FAT3: variants seen among roughly 807,000 people sequenced by gnomAD.
FAT3 encodes protocadherin Fat 3.
Under a neutral mutation model 310.2 loss-of-function variants are expected in FAT3, and 95 were observed. The ratio of observed to expected loss-of-function variants is 0.31; its 90% CI spans 0.26 to 0.36. FAT3 has a LOEUF of 0.36. FAT3 is among the 10% of genes least tolerant of loss of function. The probability of loss-of-function intolerance (pLI) is 1.00; values close to 1 mark genes in which losing one functional copy is unlikely to be tolerated. For synonymous variants in FAT3, 2,314 were observed against 2,192.9 expected, an observed-to-expected ratio of 1.06 and a Z score of -1.54; for missense variants, 5,408 against 5,715.6, an observed-to-expected ratio of 0.95 and a Z score of 1.74.
intron 3 of FAT3, among the ~76,000 whole-genome samples, chr11:92,559,742 T>C (rs1955157345): frequency 6.6e-6 from 1 of 152,216 alleles, no homozygotes. Flanking sequence ...CTTTTGTGAC[T>C]GGTTTCTTTC....
At chr11:92,544,058 A>C (rs964928148) in intron 3 of FAT3, among the ~76,000 whole-genome samples, 1 of 152,184 alleles carries the variant, frequency 6.6e-6, no homozygotes, top group Non-Finnish European at 1.5e-5. Context: ...CAATACTTCT[A>C]CGTACTAGGG....
intron 1 of FAT3, among the ~76,000 whole-genome samples, chr11:92,319,215 A>G (rs547369653): frequency 8.1e-4 from 124 of 152,304 alleles, no homozygotes; most frequent in Admixed American, 1.4e-3. Context: ...AAAATATCAT[A>G]AAAGTCTTCC....
intron 1 of FAT3, among the ~76,000 whole-genome samples, chr11:92,305,207 G>C (rs1947089930): frequency 1.3e-5 from 2 of 152,078 alleles, no homozygotes; most frequent in African/African-American, 4.8e-5. Context: ...TCAAAAAATA[G>C]GTGGCACTGA....
chr11:92,448,681 C>G (rs559578683), intron 2 of FAT3, among the ~76,000 whole-genome samples: 85 of 152,228 alleles, frequency 5.6e-4, no homozygotes, highest in African/African-American at 2.0e-3. Context: ...GGTCTGGACT[C>G]CCCCACAGCC....
intron 21 of FAT3, among the ~76,000 whole-genome samples, chr11:92,863,125 G>GT (rs1012121704): frequency 6.6e-6 from 1 of 151,810 alleles, no homozygotes; most frequent in African/African-American, 2.4e-5. Context: ...GGGTTTTTTT[G>GT]TTTTTTGAGA....
chr11:92,363,438 CT>C (rs1948929768), intron 2 of FAT3, among the ~76,000 whole-genome samples: 1 of 152,116 alleles, frequency 6.6e-6, no homozygotes, highest in African/African-American at 2.4e-5. Context: ...TATAAACTTC[CT>C]TTGTCTCATA....
chr11:92,840,697 A>T lies in FAT3; in HGVS notation c.10504A>T (p.Ile3502Phe). The T allele has an allele frequency of 6.2e-7, 1 of 1,610,462 alleles. No individual in the cohort carries two copies. Among genetic ancestry groups the T allele is most frequent in the Non-Finnish European group, 8.5e-7 (1 of 1,177,032 alleles). ...GGAGTTTGTGTTGGACCCTCATGGG[A>T]TCTTGCGGTCGGCTGTGGTCTTCCA... ...EEEFVLDPHG[I>F]LRSAVVFQHT... Residue 3502 changes from isoleucine to phenylalanine, a missense_variant, in exon 18 of 28, where the codon ATC becomes TTC. By Grantham distance (21) the Ile-to-Phe change is conservative. This residue lies in a region of FAT3 where 4,588 missense variants were observed against 4,809.8 expected (regional missense o/e 0.95). Coordinates refer to ENST00000525166, the MANE Select transcript of FAT3 (RefSeq NM_001367949.2).
chr11:92,882,585 T>TCCCCCCCCCCCCCCCCCCCC (rs58520864), intron 23 of FAT3, among the ~76,000 whole-genome samples, 153 bp from the exon 24 acceptor site: 4 of 93,160 alleles, frequency 4.3e-5, no homozygotes, highest in South Asian at 4.5e-4. Flanking sequence ...TAACTCCCCC[T>TCCCCCCCCCCCCCCCCCCCC]CCCCCCCCCC....
At chr11:92,654,670 T>C (rs903968814) in intron 3 of FAT3, among the ~76,000 whole-genome samples, 1 of 152,230 alleles carries the variant, frequency 6.6e-6, no homozygotes, top group Non-Finnish European at 1.5e-5. Flanking sequence ...CCACCACTAC[T>C]ATATTTACTG....
At chr11:92,577,355 C>T (rs1241193331) in intron 3 of FAT3, among the ~76,000 whole-genome samples, 1 of 151,972 alleles carries the variant, frequency 6.6e-6, no homozygotes, top group Non-Finnish European at 1.5e-5. Flanking sequence ...GTAATCCACC[C>T]ACCTCACCTC....
At chr11:92,568,826 T>C (rs1259425779) in intron 3 of FAT3, among the ~76,000 whole-genome samples, 1 of 152,184 alleles carries the variant, frequency 6.6e-6, no homozygotes, top group African/African-American at 2.4e-5. Context: ...TCTTCCCAGA[T>C]GTTTCCAGAC....
chr11:92,410,961 TG>T (rs1304414314), intron 2 of FAT3, among the ~76,000 whole-genome samples: 1 of 150,812 alleles, frequency 6.6e-6, no homozygotes, highest in Admixed American at 6.6e-5. Context: ...TAGGTACTGT[TG>T]GTTTATGGGA....
At chr11:92,310,203 G>T (rs1360646288) in intron 1 of FAT3, among the ~76,000 whole-genome samples, 3 of 152,102 alleles carry the variant, frequency 2.0e-5, no homozygotes, top group East Asian at 1.9e-4. Flanking sequence ...CCCAAGATAA[G>T]AATATTTTAC....
intron 2 of FAT3, among the ~76,000 whole-genome samples, chr11:92,463,140 T>C (rs1565336069): frequency 6.6e-6 from 1 of 152,206 alleles, no homozygotes; most frequent in Non-Finnish European, 1.5e-5. Context: ...TGCTATTACC[T>C]TCACAGAGGA....
Position 92,226,821 on chromosome 11 carries a change from C to A in FAT3, c.-18+1647C>A, listed in dbSNP as rs540395264. The stretch of plus-strand genomic sequence containing the variant: ...AATGGGACTCAGCTTCGGGTTTGGG[C>A]GAACCTGCAGCAGCCGCGGCGGGAG... On this transcript the variant is annotated intron_variant, in intron 1 of 27. Transcript: ENST00000525166. 1.6e-4 allele frequency among the ~76,000 whole-genome samples: 24 copies of A among 152,250 alleles called. No homozygotes were observed. In the East Asian group the frequency reaches 4.1e-3, roughly 26 times the overall value.
At chr11:92,517,879 A>G (rs904202880) in intron 2 of FAT3, among the ~76,000 whole-genome samples, 4 of 152,258 alleles carry the variant, frequency 2.6e-5, no homozygotes, top group Non-Finnish European at 5.9e-5. Context: ...CAAGCTCATC[A>G]TCACTGGTCA....
chr11:92,372,437 C>G (rs1221214443), intron 2 of FAT3, among the ~76,000 whole-genome samples: 1 of 150,410 alleles, frequency 6.6e-6, no homozygotes. Flanking sequence ...TTTTTTAAAT[C>G]AAAAATAGAA....
intron 3 of FAT3, among the ~76,000 whole-genome samples, chr11:92,568,075 A>G (rs2135493868): frequency 6.6e-6 from 1 of 152,286 alleles, no homozygotes; most frequent in Admixed American, 6.5e-5. Context: ...CATTCAGTCA[A>G]TCCGCAAATA....
In FAT3 at chr11:92,801,212, G is replaced by T; in HGVS notation, c.8199G>T (p.Leu2733Phe). 4 of 1,613,804 alleles carry T rather than the reference G, an allele frequency of 2.5e-6. No homozygotes were observed. Among genetic ancestry groups the T allele is most frequent in the Non-Finnish European group, 3.4e-6 (4 of 1,179,842 alleles). Reference sequence around the variant, plus strand: ...GTACAGTGGACACCCTGAGGATTTTGCCCAGTCAGAATGTCTGGTTCAGCA... The same window carrying T: ...GTACAGTGGACACCCTGAGGATTTTTCCCAGTCAGAATGTCTGGTTCAGCA... The part of the protein sequence containing the change: ...IGSTVDTLRI[L>F]PSQNVWFSTV... Residue 2733 changes from leucine (L) to phenylalanine (F), a missense_variant, in exon 10 of 28, where the codon TTG (leucine) becomes TTT (phenylalanine). By Grantham distance (22) the Leu-to-Phe change is conservative. Coordinates refer to ENST00000525166, the MANE Select transcript of FAT3 (RefSeq NM_001367949.2).
Sources: gnomAD v4.1 joint callset for allele counts (sites outside exome capture counted in the v4.1 genomes callset) on GRCh38, gnomAD v4.1.1 for gene constraint, gnomAD v4.1.1 regional missense constraint, MANE v1.5 for transcripts, NCBI Gene and HGNC (gene_info 2026-07-23, HGNC 2026-07-21) for gene names.